The following PEPD variants were observed in gnomAD, a reference collection of about 807,000 sequenced individuals.
The protein encoded by PEPD is peptidase D.
A neutral mutation model predicts 60.7 loss-of-function variants in PEPD; 53 were observed. That is an observed-to-expected ratio of 0.87 (90% CI 0.70 to 1.10). PEPD has a LOEUF of 1.10. Ranked by LOEUF, PEPD falls within the 50% of genes least tolerant of loss-of-function variation. The pLI is 0.00. For missense variants in PEPD, 711 were observed against 711.9 expected, an observed-to-expected ratio of 1.00 and a Z score of 0.01; for synonymous variants, 267 against 284.1, an observed-to-expected ratio of 0.94 and a Z score of 0.60.
At position 33,400,039 on chromosome 19, in the gene PEPD, C is replaced by T. The variant is rs561745301; in HGVS notation, c.967+1682G>A. Among the ~76,000 whole-genome samples, 7 of 152,302 alleles carry T rather than the reference C, an allele frequency of 4.6e-5. No homozygotes were observed. In the South Asian group the frequency reaches 6.2e-4, roughly 14 times the overall value. Reference sequence around the variant, plus strand: ...CTGCATCCTGGACTCTGAAGCCTTGCGCTACTGGGCTATCCCCTCTGCCCG... The same window carrying T: ...CTGCATCCTGGACTCTGAAGCCTTGTGCTACTGGGCTATCCCCTCTGCCCG... On this transcript the variant is annotated intron_variant, in intron 12 of 14. Transcript: ENST00000244137.
At chr19:33,483,667 G>A (rs970301280) in intron 6 of PEPD, among the ~76,000 whole-genome samples, 1 of 152,032 alleles carries the variant, frequency 6.6e-6, no homozygotes, top group Non-Finnish European at 1.5e-5. Flanking sequence ...AAAATTATCT[G>A]GGTGTGTTGG....
chr19:33,500,747 C>T (rs80314103), intron 4 of PEPD, among the ~76,000 whole-genome samples, 191 bp downstream of exon 4: 1,892 of 152,274 alleles, frequency 0.012, 31 homozygotes, highest in South Asian at 0.071. Flanking sequence ...GCAATGGCTC[C>T]GTAGAGAAGC....
At chr19:33,409,512 T>C (rs1303206167) in intron 11 of PEPD, among the ~76,000 whole-genome samples, 1 of 152,076 alleles carries the variant, frequency 6.6e-6, no homozygotes, top group Non-Finnish European at 1.5e-5. Flanking sequence ...TTTTTAATAT[T>C]AAAAATAAAA....
intron 7 of PEPD, among the ~76,000 whole-genome samples, chr19:33,474,578 G>A (rs1198412099): frequency 1.3e-5 from 2 of 152,108 alleles, no homozygotes; most frequent in East Asian, 1.9e-4. Flanking sequence ...GTGGGGAGGC[G>A]GGGGCTGAGG....
intron 3 of PEPD, among the ~76,000 whole-genome samples, chr19:33,509,025 C>G (rs185321791): frequency 3.9e-5 from 6 of 152,262 alleles, no homozygotes; most frequent in Admixed American, 3.3e-4. Context: ...AGAAGCCACA[C>G]TTAGCCAGCA....
At chr19:33,420,384 T>C (rs1414565327) in intron 9 of PEPD, among the ~76,000 whole-genome samples, 3 of 152,102 alleles carry the variant, frequency 2.0e-5, no homozygotes, top group Non-Finnish European at 4.4e-5. Flanking sequence ...TAAACACAGA[T>C]TAATATTTAA....
chr19:33,457,232 G>C (rs1012498622), intron 9 of PEPD, among the ~76,000 whole-genome samples: 19 of 152,032 alleles, frequency 1.2e-4, no homozygotes, highest in African/African-American at 4.1e-4. Flanking sequence ...TGGAGTTCTA[G>C]ACCAGCCTGG....
chr19:33,520,540 C>T (rs1971112071), intron 1 of PEPD, among the ~76,000 whole-genome samples: 1 of 152,224 alleles, frequency 6.6e-6, no homozygotes, highest in African/African-American at 2.4e-5. Context: ...TCCATCTGTT[C>T]CAGTGGCCTG....
intron 9 of PEPD, among the ~76,000 whole-genome samples, chr19:33,428,565 T>C (rs1333972495): frequency 6.6e-6 from 1 of 152,078 alleles, no homozygotes; most frequent in Non-Finnish European, 1.5e-5. Context: ...CCAGTTACCA[T>C]CCAAAACCAC....
intron 7 of PEPD, among the ~76,000 whole-genome samples, chr19:33,471,143 C>G (rs1043024955): frequency 6.6e-6 from 1 of 152,164 alleles, no homozygotes; most frequent in Non-Finnish European, 1.5e-5. Flanking sequence ...TCAAACTGAA[C>G]CAGGGCAAAT....
At chr19:33,448,529 C>CT (rs149447344) in intron 9 of PEPD, among the ~76,000 whole-genome samples, 11,361 of 151,656 alleles carry the variant, frequency 0.075, 521 homozygotes, top group Non-Finnish European at 0.11. Context: ...AAAAAAAAGT[C>CT]TTTTTTTTTC....
intron 9 of PEPD, among the ~76,000 whole-genome samples, chr19:33,428,971 T>C (rs57940491): frequency 0.13 from 19,726 of 152,262 alleles, 1,493 homozygotes; most frequent in East Asian, 0.28. Flanking sequence ...AGTGGAGATC[T>C]AGCCCTGTGT....
chr19:33,471,447 C>T (rs903480425), intron 7 of PEPD, among the ~76,000 whole-genome samples: 4 of 152,212 alleles, frequency 2.6e-5, no homozygotes, highest in Non-Finnish European at 5.9e-5. Context: ...ATGCACCACC[C>T]TGAATATGAT....
At chr19:33,393,309 G>A (rs1035958943) in intron 12 of PEPD, among the ~76,000 whole-genome samples, 1 of 151,714 alleles carries the variant, frequency 6.6e-6, no homozygotes, top group African/African-American at 2.4e-5. Context: ...CCGGGGTCTG[G>A]CGTGGGGGAG....
chr19:33,470,656 A>G (rs959803580), intron 7 of PEPD, among the ~76,000 whole-genome samples: 1 of 152,226 alleles, frequency 6.6e-6, no homozygotes, highest in African/African-American at 2.4e-5. Context: ...GCACCGGCAC[A>G]GACACACAGT....
intron 11 of PEPD, among the ~76,000 whole-genome samples, chr19:33,408,970 T>A (rs1968702241): frequency 6.6e-6 from 1 of 152,266 alleles, no homozygotes; most frequent in Admixed American, 6.5e-5. Flanking sequence ...TCATAATTAC[T>A]CTACTGGCTA....
chr19:33,482,088 C>T (rs935024834), intron 6 of PEPD, among the ~76,000 whole-genome samples: 3 of 152,216 alleles, frequency 2.0e-5, no homozygotes, highest in Non-Finnish European at 4.4e-5. Context: ...AACCACTCTA[C>T]AAGGTCAGTA....
chr19:33,496,569 C>T (rs910658212), intron 4 of PEPD, among the ~76,000 whole-genome samples: 6 of 152,214 alleles, frequency 3.9e-5, no homozygotes, highest in Non-Finnish European at 8.8e-5. Flanking sequence ...TAAGGGAACA[C>T]GACGCGCTGT....
chr19:33,391,067 C>T (rs1490526260), intron 13 of PEPD, among the ~76,000 whole-genome samples: 1 of 152,130 alleles, frequency 6.6e-6, no homozygotes, highest in Non-Finnish European at 1.5e-5. Flanking sequence ...AGGCAGACAG[C>T]ACCGCCTCTA....
Sources: gnomAD v4.1 joint callset for allele counts (sites outside exome capture counted in the v4.1 genomes callset) on GRCh38, gnomAD v4.1.1 for gene constraint, MANE v1.5 for transcripts, NCBI Gene and HGNC (gene_info 2026-07-23, HGNC 2026-07-21) for gene names.